MTHFD1L: variants seen among roughly 807,000 people sequenced by gnomAD.
MTHFD1L encodes the protein monofunctional C1-tetrahydrofolate synthase, mitochondrial.
Under a neutral mutation model 119.5 loss-of-function variants are expected in MTHFD1L, and 81 were observed. The observed-to-expected ratio is 0.68, with a 90% CI of 0.57 to 0.82. The LOEUF (loss-of-function observed/expected upper bound fraction) is 0.82, where lower values mean the gene tolerates loss of function less well. Ranked by LOEUF, MTHFD1L falls within the 40% of genes least tolerant of loss-of-function variation. The probability of loss-of-function intolerance (pLI) is 0.00; values close to 1 mark genes in which losing one functional copy is unlikely to be tolerated. For synonymous variants in MTHFD1L, 430 were observed against 475.2 expected (o/e 0.90, Z 1.24); for missense variants, 1,125 against 1,253.4 (o/e 0.90, Z 1.55).
chr6:150,989,368 A>G (rs1778750695), intron 20 of MTHFD1L, among the ~76,000 whole-genome samples: 1 of 152,234 alleles, frequency 6.6e-6, no homozygotes, highest in Admixed American at 6.5e-5. Flanking sequence ...AAGGAACACC[A>G]CAGCAGTGCC....
At chr6:150,978,470 T>C (rs112968151) in intron 20 of MTHFD1L, among the ~76,000 whole-genome samples, 2,061 of 152,308 alleles carry the variant, frequency 0.014, 26 homozygotes, top group Middle Eastern at 0.027. Flanking sequence ...CCTGGGTACA[T>C]GAGCATAAAC....
intron 8 of MTHFD1L, among the ~76,000 whole-genome samples, chr6:150,915,002 G>C (rs569694522): frequency 6.6e-6 from 1 of 152,190 alleles, no homozygotes; most frequent in Non-Finnish European, 1.5e-5. Context: ...TATTCACTTT[G>C]AATGGAGTTT....
intron 14 of MTHFD1L, among the ~76,000 whole-genome samples, chr6:150,945,018 A>G (rs1793700492): frequency 6.6e-6 from 1 of 152,234 alleles, no homozygotes. Flanking sequence ...ATTGGGCTTC[A>G]TGTGCTTGTA....
intron 20 of MTHFD1L, among the ~76,000 whole-genome samples, chr6:150,997,304 A>G (rs1345700392): frequency 1.3e-5 from 2 of 152,148 alleles, no homozygotes; most frequent in Non-Finnish European, 2.9e-5. Flanking sequence ...ACAACTTCCC[A>G]ATATTCTACA....
intron 5 of MTHFD1L, 105 bp downstream of exon 5, chr6:150,882,991 G>A: frequency 2.7e-6 from 3 of 1,098,258 alleles, no homozygotes; most frequent in Non-Finnish European, 3.8e-6. Context: ...AACTGTGTCA[G>A]TAATTGGATA....
chr6:150,938,060 C>A (rs1792420342), intron 12 of MTHFD1L, among the ~76,000 whole-genome samples: 1 of 152,142 alleles, frequency 6.6e-6, no homozygotes, highest in Non-Finnish European at 1.5e-5. Context: ...CTTGGTTGCC[C>A]AGGCTGGAAT....
chr6:150,943,390 C>G (rs6557105), intron 13 of MTHFD1L, among the ~76,000 whole-genome samples: 99,656 of 151,910 alleles, frequency 0.66, 33,546 homozygotes, highest in African/African-American at 0.82. Flanking sequence ...TAGCACTTTG[C>G]GGGGCTGAAG....
At chr6:151,028,464 A>T (rs1437209151) in intron 24 of MTHFD1L, among the ~76,000 whole-genome samples, 1 of 152,156 alleles carries the variant, frequency 6.6e-6, no homozygotes, top group East Asian at 1.9e-4. Flanking sequence ...GCACACACAT[A>T]CTATGGAACA....
chr6:150,924,464 G>A (rs968015311), intron 10 of MTHFD1L, among the ~76,000 whole-genome samples: 1 of 150,162 alleles, frequency 6.7e-6, no homozygotes, highest in East Asian at 2.0e-4. Flanking sequence ...GAGCCACCAT[G>A]CCAGGCCTGT....
intron 20 of MTHFD1L, among the ~76,000 whole-genome samples, chr6:150,975,882 C>T (rs1776485932): frequency 6.6e-6 from 1 of 152,204 alleles, no homozygotes; most frequent in South Asian, 2.1e-4. Flanking sequence ...AGACCTCTGA[C>T]CTCTGGCTGG....
At chr6:151,083,569 A>G (rs1349084125) in intron 26 of MTHFD1L, among the ~76,000 whole-genome samples, 2 of 152,168 alleles carry the variant, frequency 1.3e-5, no homozygotes, top group Non-Finnish European at 2.9e-5. Context: ...TGAAGCATAT[A>G]AGTGACAGAG....
At chr6:151,034,992 C>T (rs1197690202) in intron 25 of MTHFD1L, among the ~76,000 whole-genome samples, 1 of 151,730 alleles carries the variant, frequency 6.6e-6, no homozygotes, top group Non-Finnish European at 1.5e-5. Flanking sequence ...TACTTACTAC[C>T]TTAAAAATGC....
At position 151,008,942 on chromosome 6, in the gene MTHFD1L, A is replaced by AC. The variant is rs1193240353; in HGVS notation, c.2126-874dup. Reference sequence around the variant, plus strand: ...GACCAGCCTGGCCAACATGGCAAAAACCCGTCTCTACTAACAATAAAAAAA... The same window carrying AC: ...GACCAGCCTGGCCAACATGGCAAAAACCCCGTCTCTACTAACAATAAAAAAA... On this transcript the variant is annotated intron_variant, in intron 20 of 27. Transcript: ENST00000367321. Among the ~76,000 whole-genome samples the AC allele has an allele frequency of 2.7e-5, 4 of 149,166 alleles. No homozygotes were observed. The East Asian group carries it at 8.0e-4, about 30-fold the overall frequency.
At chr6:150,887,251 A>G (rs1235392923) in intron 6 of MTHFD1L, among the ~76,000 whole-genome samples, 1 of 152,230 alleles carries the variant, frequency 6.6e-6, no homozygotes, top group Non-Finnish European at 1.5e-5. Flanking sequence ...GATTATCAAG[A>G]TGAAGATTCT....
chr6:151,005,611 C>T (rs1781275574), intron 20 of MTHFD1L, among the ~76,000 whole-genome samples: 1 of 151,982 alleles, frequency 6.6e-6, no homozygotes. Context: ...GGTGAAACCC[C>T]ATCAATACAA....
intron 8 of MTHFD1L, among the ~76,000 whole-genome samples, chr6:150,912,410 AAT>A (rs1554242659): frequency 6.6e-6 from 1 of 152,090 alleles, no homozygotes; most frequent in East Asian, 1.9e-4. Flanking sequence ...ATGGCGAGAA[AAT>A]ATTTAAGTCT....
chr6:151,046,845 T>C (rs1046938671), intron 26 of MTHFD1L, among the ~76,000 whole-genome samples: 9 of 152,062 alleles, frequency 5.9e-5, no homozygotes, highest in African/African-American at 2.2e-4. Flanking sequence ...CAGAGTCAGT[T>C]TGAGGGTATA....
intron 20 of MTHFD1L, among the ~76,000 whole-genome samples, chr6:150,981,291 A>G (rs2128420068): frequency 6.6e-6 from 1 of 152,246 alleles, no homozygotes; most frequent in Non-Finnish European, 1.5e-5. Context: ...CAAATATATG[A>G]TGTCATGGAA....
chr6:150,895,594 G>C (rs897614960), intron 7 of MTHFD1L, among the ~76,000 whole-genome samples: 2 of 147,716 alleles, frequency 1.4e-5, no homozygotes, highest in African/African-American at 2.5e-5. Context: ...AAGGATCAAA[G>C]TGTCTAGGGT....
Sources: gnomAD v4.1 joint callset for allele counts (sites outside exome capture counted in the v4.1 genomes callset) on GRCh38, gnomAD v4.1.1 for gene constraint, MANE v1.5 for transcripts, NCBI Gene and HGNC (gene_info 2026-07-23, HGNC 2026-07-21) for gene names.